WNK1: variants seen among roughly 807,000 people sequenced by gnomAD.
The protein encoded by WNK1 is WNK lysine deficient protein kinase 1.
In WNK1, 38 loss-of-function variants were observed where a neutral mutation model predicts 222.8. That is an observed-to-expected ratio of 0.17 (90% CI 0.13 to 0.22). The LOEUF (loss-of-function observed/expected upper bound fraction) is 0.22, where lower values mean the gene tolerates loss of function less well. Ranked by LOEUF, WNK1 falls within the 10% of genes least tolerant of loss-of-function variation. The pLI, the probability that WNK1 is intolerant of heterozygous loss-of-function variation, is 1.00. For synonymous variants in WNK1, 1,090 were observed against 1,092.9 expected (o/e 1.00, Z 0.05); for missense variants, 2,348 against 2,918.4 (o/e 0.80, Z 4.50).
intron 1 of WNK1, among the ~76,000 whole-genome samples, chr12:796,694 A>G (rs553659307): frequency 9.2e-5 from 14 of 152,344 alleles, no homozygotes; most frequent in Non-Finnish European, 1.6e-4. Context: ...CCTAAAAAAC[A>G]AAACCAGAAA....
rs1951799017 is a variant in WNK1 at position 867,774 on chromosome 12, C to T, written c.2140-3491C>T. The T allele has an allele frequency of 3.7e-6, 5 of 1,351,520 alleles. No homozygotes were observed. In the African/African-American group the frequency reaches 7.2e-5, roughly 19 times the overall value. The allele number at this position is 1,351,520 out of a possible 1,614,324, so 83.7% of individuals were successfully genotyped here. ...AATTATAAATTTAGTGTAACCATTT[C>T]ATAGGGTTACACAGAACTACCCAGT... is the stretch of plus-strand genomic sequence containing the variant. On this transcript the variant is annotated intron_variant, in intron 8 of 27. Transcript: ENST00000315939.
rs137852734 is a variant in WNK1 at position 868,421 on chromosome 12, GA to G, written c.2140-2842del. 2.5e-6 allele frequency: 4 copies of G among 1,613,956 alleles called. No individual in the cohort carries two copies. Among genetic ancestry groups the G allele is most frequent in the Non-Finnish European group, 3.4e-6 (4 of 1,179,866 alleles). On this transcript the variant is annotated intron_variant, in intron 8 of 27. Transcript: ENST00000315939. ...GGGCCCTACTTCAAGTTCTGTCTTT[GA>G]ATTTCCATCTGGACAGGCTTTCCTG...
chr12:899,773 T>C (rs1955072484), intron 25 of WNK1, among the ~76,000 whole-genome samples: 1 of 152,134 alleles, frequency 6.6e-6, no homozygotes, highest in Non-Finnish European at 1.5e-5. Context: ...TTGTATTTGC[T>C]CTGATGCACG....
At chr12:760,827 G>A (rs572651437) in intron 1 of WNK1, among the ~76,000 whole-genome samples, 2 of 146,430 alleles carry the variant, frequency 1.4e-5, no homozygotes, top group African/African-American at 4.9e-5. Flanking sequence ...GTGCAGTGGC[G>A]TGATCTTGGG....
intron 22 of WNK1, 73 bp from the exon 23 acceptor site, chr12:894,489 T>C (rs911733237): frequency 3.2e-5 from 42 of 1,326,268 alleles, no homozygotes; most frequent in Non-Finnish European, 4.1e-5. Context: ...TTTTGCTGTA[T>C]TTCTAGCTAA....
intron 9 of WNK1, chr12:877,995 T>TA (rs1262118624): frequency 3.4e-6 from 2 of 596,924 alleles, no homozygotes; most frequent in Non-Finnish European, 5.9e-6. Flanking sequence ...ACTTGAGTAT[T>TA]AAAAGATTGG....
chr12:897,768 T>C lies in WNK1; in HGVS notation c.6448+87T>C. 3 of 1,415,072 alleles carry C rather than the reference T, an allele frequency of 2.1e-6. No homozygotes were observed. In the East Asian group the frequency reaches 7.3e-5, roughly 34 times the overall value. The allele number at this position is 1,415,072 out of a possible 1,614,324, so 87.7% of individuals were successfully genotyped here. A position where few individuals can be genotyped will look rare whatever the true frequency, so the allele number is the denominator to read the frequency against. ...TATGTGACCTGCTGAACATTTGTTG[T>C]TTTTGTTAAATTTCAAAGGAATTTG... On this transcript the variant is annotated intron_variant, in intron 25 of 27. Transcript: ENST00000315939.
chr12:777,446 C>T (rs934850914), intron 1 of WNK1, among the ~76,000 whole-genome samples: 1 of 152,080 alleles, frequency 6.6e-6, no homozygotes, highest in African/African-American at 2.4e-5. Flanking sequence ...GTGTGAGCCA[C>T]CGCGCCCAGC....
chr12:802,600 C>A (rs1178565757), intron 1 of WNK1, among the ~76,000 whole-genome samples: 1 of 151,656 alleles, frequency 6.6e-6, no homozygotes, highest in African/African-American at 2.4e-5. Context: ...TTTTTTCCCT[C>A]TAGAAGTAAA....
At position 760,892 on chromosome 12, in the gene WNK1, G is replaced by A. The variant is rs1391453823; in HGVS notation, c.759+6568G>A. 1.4e-5 allele frequency among the ~76,000 whole-genome samples: 2 copies of A among 145,954 alleles called. 1 individual carries two copies. ...GTGTTCAAGCGATTCTCCTGCCTCA[G>A]CCTCCAGAGTAGCTGGGATTACAGG... is the stretch of plus-strand genomic sequence containing the variant. On this transcript the variant is annotated intron_variant, in intron 1 of 27. Transcript: ENST00000315939.
At chr12:759,201 A>G (rs1187971648) in intron 1 of WNK1, among the ~76,000 whole-genome samples, 1 of 147,190 alleles carries the variant, frequency 6.8e-6, no homozygotes, top group Non-Finnish European at 1.5e-5. Context: ...CTCAATTATC[A>G]TTTCTGAAAA....
chr12:794,692 T>C (rs7966632), intron 1 of WNK1, among the ~76,000 whole-genome samples: 97,531 of 151,940 alleles, frequency 0.64, 32,143 homozygotes, highest in East Asian at 0.87. Context: ...ATTTGGTTTG[T>C]TTGTATTTTG....
Position 862,194 on chromosome 12 carries a change from G to A in WNK1, c.2063G>A (p.Gly688Asp). 1 of 1,614,016 alleles carries A rather than the reference G, an allele frequency of 6.2e-7. No individual in the cohort carries two copies. The highest frequency in any genetic ancestry group is 8.5e-7 in the Non-Finnish European group (1 of 1,179,968). The part of the protein sequence containing the change: ...GSQHEQAHST[G>D]TVPGHIPSTV... ...CAACATGAACAGGCACATTCTACAG[G>A]CACAGTCCCAGGGCATATACCTTCT... The change falls in exon 8 of 28, where the codon GGC (glycine) becomes GAC (aspartate). Residue 688 changes from glycine to aspartate, a missense_variant. Coordinates refer to ENST00000315939, the MANE Select transcript of WNK1 (RefSeq NM_018979.4).
At chr12:879,432 T>G in intron 10 of WNK1, 141 bp from the exon 11 acceptor site, 3 of 691,730 alleles carry the variant, frequency 4.3e-6, no homozygotes, top group East Asian at 2.7e-5. Context: ...TATGCAGGGT[T>G]TTGTTGGTTT....
intron 4 of WNK1, among the ~76,000 whole-genome samples, chr12:841,956 G>T (rs1378603905): frequency 1.3e-5 from 2 of 152,096 alleles, no homozygotes; most frequent in Non-Finnish European, 2.9e-5. Context: ...ATTTTAGGGG[G>T]ACACAAACAT....
intron 1 of WNK1, among the ~76,000 whole-genome samples, chr12:765,795 C>A (rs1441807291): frequency 1.3e-5 from 2 of 152,072 alleles, no homozygotes. Context: ...AAAATAATAA[C>A]TTTATCCAAA....
intron 20 of WNK1, among the ~76,000 whole-genome samples, chr12:888,069 G>C (rs72650744): frequency 6.6e-6 from 1 of 152,206 alleles, no homozygotes; most frequent in Non-Finnish European, 1.5e-5. Flanking sequence ...TTGTGAATCT[G>C]TTGTGACCAG....
chr12:904,426 C>G, intron 26 of WNK1: 7 of 1,288,094 alleles, frequency 5.4e-6, no homozygotes, highest in Non-Finnish European at 6.1e-6. Context: ...TTATCTTTAA[C>G]ACATTGCTTC....
intron 2 of WNK1, among the ~76,000 whole-genome samples, chr12:818,877 C>T (rs930262944): frequency 4.6e-5 from 7 of 152,194 alleles, no homozygotes; most frequent in Non-Finnish European, 1.5e-5. Flanking sequence ...CATTGATGAA[C>T]ATTTGGGCTG....
Sources: gnomAD v4.1 joint callset for allele counts (sites outside exome capture counted in the v4.1 genomes callset) on GRCh38, gnomAD v4.1.1 for gene constraint, MANE v1.5 for transcripts, NCBI Gene and HGNC (gene_info 2026-07-23, HGNC 2026-07-21) for gene names.